TSHR: variants seen among roughly 807,000 people sequenced by gnomAD.
TSHR encodes thyroid stimulating hormone receptor.
TSHR carries 51 observed loss-of-function variants against 64.1 expected under a neutral mutation model. That is an observed-to-expected ratio of 0.80 (90% CI 0.64 to 1.01). TSHR has a LOEUF of 1.01. Among genes scored for constraint, TSHR ranks in the 50% least tolerant of loss-of-function variants. The pLI is 0.00. For missense variants in TSHR, 877 were observed against 942.8 expected (o/e 0.93, Z 0.91); for synonymous variants, 361 against 361.9 (o/e 1.00, Z 0.03).
Position 81,139,814 on chromosome 14 carries a change from C to T in TSHR, c.828C>T (p.Asp276=), listed in dbSNP as rs1184622909. The change falls in exon 9 of 10, where the codon GAC becomes GAT. Residue 276 remains aspartate (D), a synonymous_variant. Transcript: ENST00000298171. ...SLSFLHLTRA[D]LSYPSHCCAF... The stretch of plus-strand genomic sequence containing the variant: ...GTTTCCTTCACCTCACACGGGCTGA[C>T]CTTTCTTACCCAAGCCACTGCTGTG... 1.2e-6 allele frequency: 2 copies of T among 1,614,234 alleles called. No homozygotes were observed. The highest frequency in any genetic ancestry group is 1.7e-6 in the Non-Finnish European group (2 of 1,180,054).
At chr14:81,130,946 G>A (rs1380622155) in intron 8 of TSHR, among the ~76,000 whole-genome samples, 1 of 88,050 alleles carries the variant, frequency 1.1e-5, no homozygotes, top group Non-Finnish European at 1.9e-5. Context: ...AGCCGAGATT[G>A]CGCCACTGCA....
chr14:80,959,395 C>T (rs1229601454), intron 1 of TSHR: 2 of 152,120 alleles, frequency 1.3e-5, no homozygotes, highest in Admixed American at 1.3e-4. Context: ...TATCTCAAAA[C>T]CAAGGATAAC....
At chr14:81,036,494 C>G (rs1884633087) in intron 1 of TSHR, among the ~76,000 whole-genome samples, 1 of 151,950 alleles carries the variant, frequency 6.6e-6, no homozygotes. Context: ...AATACTACAC[C>G]CAGAAAATTT....
chr14:81,059,291 T>C, intron 1 of TSHR, among the ~76,000 whole-genome samples: 1 of 152,116 alleles, frequency 6.6e-6, no homozygotes, highest in Admixed American at 6.6e-5. Flanking sequence ...ATAAGCTCAA[T>C]CAAACTAATC....
intron 1 of TSHR, chr14:81,001,386 C>A: frequency 2.5e-6 from 1 of 392,632 alleles, no homozygotes; most frequent in East Asian, 6.6e-5. Flanking sequence ...AGAGTACATG[C>A]ATGGGTTAAT....
At chr14:80,986,476 TTGTTTGTTTTTTG>T (rs1843256689) in intron 1 of TSHR, among the ~76,000 whole-genome samples, 1 of 136,658 alleles carries the variant, frequency 7.3e-6, no homozygotes, top group African/African-American at 3.7e-5. Flanking sequence ...ATTCTTTTTT[TTGTTTGTTTTTTG>T]TTTGTTTGTT....
chr14:81,143,670 G>A lies in TSHR; in HGVS notation c.1612G>A (p.Ala538Thr), dbSNP rs151264748. The stretch of plus-strand genomic sequence containing the variant: ...GGACCGGAAGATCCGCCTCAGGCAC[G>A]CATGTGCCATCATGGTTGGGGGCTG... ...RLDRKIRLRHACAIMVGGWVC... is the reference protein window; with the variant it reads ...RLDRKIRLRHTCAIMVGGWVC... The change falls in exon 10 of 10, where the codon GCA (alanine) becomes ACA (threonine). Residue 538 changes from alanine to threonine, a missense_variant. By Grantham distance (58) the Ala-to-Thr change is moderately conservative (BLOSUM62 0). Transcript: ENST00000298171. 1.2e-5 allele frequency: 20 copies of A among 1,614,032 alleles called. No homozygotes were observed. The highest frequency in any genetic ancestry group is 4.4e-5 in the South Asian group (4 of 91,090).
At chr14:80,971,106 G>A (rs1392162171) in intron 1 of TSHR, among the ~76,000 whole-genome samples, 1 of 152,160 alleles carries the variant, frequency 6.6e-6, no homozygotes, top group Non-Finnish European at 1.5e-5. Context: ...TTACAAGCGT[G>A]AGCCACCATA....
intron 1 of TSHR, among the ~76,000 whole-genome samples, chr14:80,956,143 T>C (rs1228094258): frequency 1.3e-5 from 2 of 152,236 alleles, no homozygotes; most frequent in East Asian, 3.8e-4. Flanking sequence ...TTCAGCACTT[T>C]GCCTAACCCT....
At chr14:81,045,217 T>C (rs1885119331) in intron 1 of TSHR, among the ~76,000 whole-genome samples, 1 of 152,166 alleles carries the variant, frequency 6.6e-6, no homozygotes, top group Non-Finnish European at 1.5e-5. Context: ...GCTGGGCTTA[T>C]GTCCATGTCT....
intron 1 of TSHR, among the ~76,000 whole-genome samples, chr14:80,961,845 A>G (rs1887047416): frequency 6.6e-6 from 1 of 152,254 alleles, no homozygotes; most frequent in Non-Finnish European, 1.5e-5. Context: ...CTGATTTCCC[A>G]TATAGTTTAA....
intron 3 of TSHR, among the ~76,000 whole-genome samples, chr14:81,079,683 C>T (rs190416997): frequency 1.2e-3 from 178 of 152,116 alleles, no homozygotes; most frequent in Non-Finnish European, 1.9e-3. Context: ...GAGACATCAT[C>T]TCTATGAAAA....
intron 1 of TSHR, among the ~76,000 whole-genome samples, chr14:81,021,205 C>T (rs1883730838): frequency 1.3e-5 from 2 of 152,090 alleles, no homozygotes; most frequent in Admixed American, 6.6e-5. Flanking sequence ...TGAAACTGGT[C>T]CCTGGTACCA....
intron 1 of TSHR, among the ~76,000 whole-genome samples, chr14:81,031,392 T>C (rs1405283141): frequency 6.7e-6 from 1 of 149,338 alleles, no homozygotes; most frequent in Admixed American, 6.6e-5. Context: ...TTATTTTTAA[T>C]TGAACAATAA....
At chr14:80,963,022 T>C (rs1035568967) in intron 1 of TSHR, among the ~76,000 whole-genome samples, 1 of 152,224 alleles carries the variant, frequency 6.6e-6, no homozygotes, top group African/African-American at 2.4e-5. Context: ...TATTAAAACC[T>C]CTAATTTCCT....
chr14:80,990,385 G>A (rs536521112), intron 1 of TSHR, among the ~76,000 whole-genome samples: 2 of 152,234 alleles, frequency 1.3e-5, no homozygotes, highest in Middle Eastern at 3.4e-3. Flanking sequence ...TTTTCCCACC[G>A]ATCAAAGTTA....
In TSHR at chr14:81,095,153, T is replaced by G. The variant is rs1364019080; in HGVS notation, c.546-1486T>G. Reference sequence around the variant, plus strand: ...GTGCCTGAGTGTGGTTATAGCTGTCTTCTCTTATCTTCATGCCAATAACCA... The same window carrying G: ...GTGCCTGAGTGTGGTTATAGCTGTCGTCTCTTATCTTCATGCCAATAACCA... On this transcript the variant is annotated intron_variant, in intron 6 of 9. Coordinates refer to ENST00000298171, the MANE Select transcript of TSHR (RefSeq NM_000369.5). 2.6e-5 allele frequency among the ~76,000 whole-genome samples: 4 copies of G among 152,160 alleles called. No homozygotes were observed. In the East Asian group the frequency reaches 7.7e-4, roughly 29 times the overall value.
At chr14:80,974,557 C>T (rs548876884) in intron 1 of TSHR, among the ~76,000 whole-genome samples, 2 of 152,092 alleles carry the variant, frequency 1.3e-5, no homozygotes, top group Non-Finnish European at 2.9e-5. Flanking sequence ...ACCCTCAATC[C>T]CTGGAATCTA....
intron 7 of TSHR, among the ~76,000 whole-genome samples, chr14:81,102,257 C>A (rs113524864): frequency 7.9e-5 from 12 of 151,694 alleles, no homozygotes; most frequent in African/African-American, 1.5e-4. Flanking sequence ...ACTCTCCGTA[C>A]GTTCACACCA....
Sources: gnomAD v4.1 joint callset for allele counts (sites outside exome capture counted in the v4.1 genomes callset) on GRCh38, gnomAD v4.1.1 for gene constraint, MANE v1.5 for transcripts, NCBI Gene and HGNC (gene_info 2026-07-23, HGNC 2026-07-21) for gene names.